Variants in ASAH1 observed in about 807,000 individuals in gnomAD.
The protein encoded by ASAH1 is acid ceramidase.
Under a neutral mutation model 59.5 loss-of-function variants are expected in ASAH1, and 70 were observed. The observed-to-expected ratio is 1.18, with a 90% confidence interval of 0.97 to 1.43. The LOEUF is 1.43. Among genes scored for constraint, ASAH1 ranks in the 40% most tolerant of loss-of-function variants. The pLI, the probability that ASAH1 is intolerant of heterozygous loss-of-function variation, is 0.00. For synonymous variants in ASAH1, 213 were observed against 166.5 expected, an observed-to-expected ratio of 1.28 and a Z score of -2.15; for missense variants, 660 against 482.5, an observed-to-expected ratio of 1.37 and a Z score of -3.45.
chr8:18,067,913 G>C (rs900895194), intron 4 of ASAH1: 2 of 152,094 alleles, frequency 1.3e-5, no homozygotes, highest in African/African-American at 2.4e-5. Context: ...TTAAGTTCAC[G>C]GCCTTTTGCT....
chr8:18,062,373 A>T lies in ASAH1; in HGVS notation c.554T>A (p.Leu185Ter). 6.2e-7 allele frequency: 1 copy of T among 1,614,196 alleles called. No individual in the cohort carries two copies. The highest frequency in any genetic ancestry group is 8.5e-7 in the Non-Finnish European group (1 of 1,180,026). ...TCTTTGGAAATCCAAATTCACTGTT[A>T]AAGGTTTTAGTTGCTCAGTTATGAC... ...TWVITEQLKP[L>*]TVNLDFQRNN... The change falls in exon 8 of 14, where the codon TTA (leucine) becomes TAA (stop). Residue 185 changes from leucine to a stop codon, truncating the protein, a stop_gained. Coordinates refer to ENST00000637790, the MANE Select transcript of ASAH1 (RefSeq NM_177924.5). LOFTEE classifies it high-confidence loss of function.
chr8:18,084,925 G>T, upstream of ASAH1: 1 of 1,402,654 alleles, frequency 7.1e-7, no homozygotes, highest in South Asian at 1.2e-5. Flanking sequence ...GCCATCCGTG[G>T]ACACAGTCGC....
At chr8:18,074,122 G>A (rs758513345) in intron 2 of ASAH1, among the ~76,000 whole-genome samples, 2 of 152,114 alleles carry the variant, frequency 1.3e-5, no homozygotes, top group East Asian at 1.9e-4. Context: ...GAGTAGAAAC[G>A]GCCTCAAACA....
intron 4 of ASAH1, 153 bp from the exon 5 acceptor site, chr8:18,067,451 A>C: frequency 2.8e-6 from 1 of 362,362 alleles, no homozygotes; most frequent in Non-Finnish European, 4.7e-6. Flanking sequence ...AAGTGATAGG[A>C]ATTATTTTTT....
chr8:18,061,208 A>G, intron 10 of ASAH1, 169 bp downstream of exon 10: 1 of 582,846 alleles, frequency 1.7e-6, no homozygotes, highest in South Asian at 2.4e-5. Context: ...TAAAACACAC[A>G]GTCTGCACGA....
At chr8:18,062,571 A>G in intron 7 of ASAH1, 148 bp from the exon 8 acceptor site, 2 of 852,080 alleles carry the variant, frequency 2.3e-6, no homozygotes, top group Non-Finnish European at 3.7e-6. Flanking sequence ...TGGTATATTT[A>G]TTCTGTTTTC....
chr8:18,070,134 C>A (rs999191363), intron 3 of ASAH1, among the ~76,000 whole-genome samples: 1 of 150,560 alleles, frequency 6.6e-6, no homozygotes, highest in African/African-American at 2.4e-5. Context: ...GTGTGCATCA[C>A]CATTCCCAGC....
intron 10 of ASAH1, chr8:18,060,549 T>A (rs947434244): frequency 4.6e-5 from 7 of 152,226 alleles, no homozygotes; most frequent in African/African-American, 1.4e-4. Flanking sequence ...AAATTAGGAC[T>A]ATTAAAAATT....
At chr8:18,077,956 T>C (rs1800479205) in intron 1 of ASAH1, among the ~76,000 whole-genome samples, 2 of 152,210 alleles carry the variant, frequency 1.3e-5, no homozygotes, top group South Asian at 4.1e-4. Flanking sequence ...TGTTGTGGAC[T>C]TAAGACCCTG....
intron 2 of ASAH1, 152 bp downstream of exon 2, chr8:18,075,389 T>C (rs1370446187): frequency 2.1e-5 from 18 of 856,282 alleles, no homozygotes; most frequent in Non-Finnish European, 3.2e-5. Context: ...GCCAAATGCA[T>C]AATAAACAAA....
intron 2 of ASAH1, among the ~76,000 whole-genome samples, chr8:18,075,310 C>G (rs60860038): frequency 1.7e-4 from 26 of 152,220 alleles, no homozygotes; most frequent in African/African-American, 5.3e-4. Flanking sequence ...CTTTTCTTTC[C>G]GATGATTTTG....
chr8:18,069,097 T>C (rs927193172), intron 4 of ASAH1, among the ~76,000 whole-genome samples: 1 of 141,220 alleles, frequency 7.1e-6, no homozygotes, highest in Non-Finnish European at 1.5e-5. Context: ...GCTATGATCA[T>C]GCCAGTGCAC....
At chr8:18,075,697 CT>C in intron 1 of ASAH1, 110 bp from the exon 2 acceptor site, 1 of 962,258 alleles carries the variant, frequency 1.0e-6, no homozygotes, top group Non-Finnish European at 1.7e-6. Flanking sequence ...TGATATTGCT[CT>C]TTTATACGTT....
At chr8:18,063,977 C>G (rs1040305374) in intron 6 of ASAH1, 1 of 190,498 alleles carries the variant, frequency 5.2e-6, no homozygotes, top group South Asian at 1.2e-4. Context: ...GGTGAGTTAG[C>G]GAAGTTGTCC....
rs7387930 is a variant in ASAH1, at chr8:18,063,058, C to T, written c.503+127G>A. The T allele has an allele frequency of 0.37, 296,765 of 806,492 alleles. 57,657 individuals are homozygous for T. Among genetic ancestry groups the T allele is most frequent in the Admixed American group, 0.53 (27,732 of 52,540 alleles). The allele number at this position is 806,492 out of a possible 1,614,324, so 50.0% of individuals were successfully genotyped here. ...CTAATTTTTATGTTTTTAGTAGAGA[C>T]GGGGTTTCACCATCTTGGCCAGGCT... On this transcript the variant is annotated intron_variant, in intron 7 of 13. Coordinates refer to ENST00000637790, the MANE Select transcript of ASAH1 (RefSeq NM_177924.5).
intron 8 of ASAH1, 106 bp from the exon 9 acceptor site, chr8:18,061,846 T>C (rs1364521694): frequency 4.9e-6 from 5 of 1,028,544 alleles, no homozygotes; most frequent in South Asian, 1.4e-5. Flanking sequence ...GCTTGGGTAA[T>C]GGGGAAGGCA....
chr8:18,082,198 C>G (rs1039688210), intron 1 of ASAH1, among the ~76,000 whole-genome samples: 1 of 152,146 alleles, frequency 6.6e-6, no homozygotes, highest in African/African-American at 2.4e-5. Context: ...AATCGCTGTT[C>G]TAGATAAGAA....
At position 18,063,511 on chromosome 8, in the gene ASAH1, G is replaced by T. The variant is rs1326649571; in HGVS notation, c.458-281C>A. ...GTATTTTTCTTTTAGTAGAGAAGGG[G>T]TTTTACCATGTTGGCCAGTCTGGTG... On this transcript the variant is annotated intron_variant, in intron 6 of 13. Coordinates refer to ENST00000637790, the MANE Select transcript of ASAH1 (RefSeq NM_177924.5). The T allele has an allele frequency of 1.5e-5, 5 of 329,112 alleles. No homozygotes were observed. In the South Asian group the frequency reaches 1.6e-4, roughly 10 times the overall value. 20.4% of individuals were successfully genotyped at this position (329,112 alleles called of 1,614,324 possible).
At chr8:18,059,152 A>G in intron 12 of ASAH1, 189 bp downstream of exon 12, 1 of 878,666 alleles carries the variant, frequency 1.1e-6, no homozygotes, top group Non-Finnish European at 1.7e-6. Context: ...TAGAACCAGA[A>G]AAGGAAAGTA....
Sources: allele counts gnomAD v4.1 joint callset (sites outside exome capture counted in the v4.1 genomes callset), GRCh38; gene constraint gnomAD v4.1.1; transcripts MANE v1.5; gene names NCBI Gene and HGNC (gene_info 2026-07-23, HGNC 2026-07-21).